OSTN: variants seen among roughly 807,000 people sequenced by gnomAD.
OSTN encodes the protein osteocrin.
OSTN carries 9 observed loss-of-function variants against 12.0 expected under a neutral mutation model. The ratio of observed to expected loss-of-function variants is 0.75; its 90% CI spans 0.45 to 1.30. OSTN has a LOEUF of 1.30. Ranked by LOEUF, OSTN falls within the 50% of genes most tolerant of loss-of-function variation. OSTN has a pLI of 0.00. For synonymous variants in OSTN, 59 were observed against 56.9 expected (o/e 1.04, Z -0.16); for missense variants, 148 against 152.3 (o/e 0.97, Z 0.15).
intron 3 of OSTN, among the ~76,000 whole-genome samples, chr3:191,237,545 G>T (rs1287734013): frequency 6.6e-6 from 1 of 152,198 alleles, no homozygotes; most frequent in Non-Finnish European, 1.5e-5. Context: ...ATTTGACCTT[G>T]GCCTTAGGGT....
At chr3:191,221,884 T>C (rs913701943) in intron 3 of OSTN, among the ~76,000 whole-genome samples, 2 of 152,138 alleles carry the variant, frequency 1.3e-5, no homozygotes, top group Non-Finnish European at 2.9e-5. Flanking sequence ...CTAGGAGGGA[T>C]AAATGGTTTC....
At chr3:191,220,039 C>G (rs1462175576) in intron 3 of OSTN, among the ~76,000 whole-genome samples, 1 of 152,162 alleles carries the variant, frequency 6.6e-6, no homozygotes, top group Admixed American at 6.5e-5. Flanking sequence ...AGTCAAACTC[C>G]TTTGCAAGAG....
intron 1 of OSTN, among the ~76,000 whole-genome samples, chr3:191,208,581 G>T (rs532645692): frequency 7.9e-4 from 120 of 152,190 alleles, no homozygotes; most frequent in African/African-American, 2.7e-3. Flanking sequence ...GATACATCAT[G>T]ATTTTTTCCT....
chr3:191,203,846 A>G (rs1375722285), intron 1 of OSTN, among the ~76,000 whole-genome samples: 1 of 152,144 alleles, frequency 6.6e-6, no homozygotes, highest in Non-Finnish European at 1.5e-5. Context: ...CCAATTGAAG[A>G]GCACTGAGAA....
intron 3 of OSTN, among the ~76,000 whole-genome samples, chr3:191,238,679 C>T (rs751423454): frequency 5.9e-5 from 9 of 152,224 alleles, no homozygotes; most frequent in Admixed American, 2.0e-4. Flanking sequence ...AAGAGTGTGC[C>T]GCCCTTTTAA....
intron 1 of OSTN, among the ~76,000 whole-genome samples, chr3:191,205,093 A>G (rs925652866): frequency 3.9e-5 from 6 of 152,228 alleles, no homozygotes; most frequent in African/African-American, 9.6e-5. Context: ...ATATATTTTT[A>G]GGAAACAATA....
In OSTN at chr3:191,206,188, G is replaced by GA. The variant is rs35445444; in HGVS notation, c.1-6330dup. Among the ~76,000 whole-genome samples the GA allele has an allele frequency of 6.6e-3, 858 of 129,412 alleles. 4 individuals are homozygous for GA. The highest frequency in any genetic ancestry group is 0.012 in the Middle Eastern group (3 of 248). The allele number at this position is 129,412 out of a possible 152,430, so 84.9% of individuals were successfully genotyped here. ...GCAACAAGAGCGAAACTCCATCTCA[G>GA]AAAAAAAAAAAAAAATCCTAAGTAA... On this transcript the variant is annotated intron_variant, in intron 1 of 4. Transcript: ENST00000682035.
intron 1 of OSTN, among the ~76,000 whole-genome samples, chr3:191,202,404 G>C (rs1011155718): frequency 7.9e-5 from 12 of 152,176 alleles, no homozygotes; most frequent in Admixed American, 3.9e-4. Context: ...GTGAGCAACA[G>C]GAAGACAGAG....
intron 2 of OSTN, among the ~76,000 whole-genome samples, chr3:191,213,080 A>G (rs1414362548): frequency 6.6e-6 from 1 of 151,758 alleles, no homozygotes; most frequent in Non-Finnish European, 1.5e-5. Context: ...CATATTGGCC[A>G]GGCTGGTCTT....
chr3:191,255,320 TCCGCAAC>T (rs529576446), intron 4 of OSTN, among the ~76,000 whole-genome samples: 24 of 152,312 alleles, frequency 1.6e-4, no homozygotes, highest in African/African-American at 5.8e-4. Flanking sequence ...CATGTGCTGG[TCCGCAAC>T]CCGGAGGATG....
At chr3:191,213,055 G>A (rs1362316308) in intron 2 of OSTN, among the ~76,000 whole-genome samples, 1 of 151,388 alleles carries the variant, frequency 6.6e-6, no homozygotes, top group Non-Finnish European at 1.5e-5. Flanking sequence ...ATTTTTAGTA[G>A]AGACAGGGTT....
chr3:191,229,043 C>T (rs1449451250), intron 3 of OSTN, among the ~76,000 whole-genome samples: 1 of 152,184 alleles, frequency 6.6e-6, no homozygotes, highest in Non-Finnish European at 1.5e-5. Flanking sequence ...AGATCTACAC[C>T]TACCAATTTT....
intron 4 of OSTN, among the ~76,000 whole-genome samples, chr3:191,259,087 C>G (rs748272677): frequency 1.3e-5 from 2 of 152,120 alleles, no homozygotes; most frequent in Non-Finnish European, 2.9e-5. Flanking sequence ...CTTCTGAGTC[C>G]CTTAAGGAGT....
In OSTN at chr3:191,225,323, G is replaced by A. The variant is rs559279373; in HGVS notation, c.317+6362G>A. On this transcript the variant is annotated intron_variant, in intron 3 of 4. Coordinates refer to ENST00000682035, the MANE Select transcript of OSTN (RefSeq NM_198184.2). Reference sequence around the variant, plus strand: ...TTATTTATTATTAATTTTATTTACCGTTTTTATTTAATTTGCCAACAGAAG... The same window carrying A: ...TTATTTATTATTAATTTTATTTACCATTTTTATTTAATTTGCCAACAGAAG... Among the ~76,000 whole-genome samples the A allele has an allele frequency of 7.9e-5, 12 of 152,102 alleles. No individual in the cohort carries two copies. In the South Asian group the frequency reaches 1.7e-3, roughly 21 times the overall value.
chr3:191,200,632 T>C (rs957760701), intron 1 of OSTN, among the ~76,000 whole-genome samples: 7 of 152,070 alleles, frequency 4.6e-5, no homozygotes, highest in Non-Finnish European at 1.0e-4. Context: ...GATAATATTG[T>C]ATTTTGTCCT....
chr3:191,217,753 C>G (rs78961575), intron 2 of OSTN, among the ~76,000 whole-genome samples: 1 of 152,114 alleles, frequency 6.6e-6, no homozygotes, highest in Non-Finnish European at 1.5e-5. Context: ...ATTGCAGATG[C>G]TAGTATTTGT....
intron 3 of OSTN, among the ~76,000 whole-genome samples, chr3:191,235,013 G>A (rs1369119539): frequency 6.6e-6 from 1 of 152,140 alleles, no homozygotes; most frequent in Non-Finnish European, 1.5e-5. Context: ...TGTAGATTTA[G>A]GTCAAGAAAC....
chr3:191,250,194 A>T, intron 4 of OSTN, 61 bp downstream of exon 4: 2 of 1,255,144 alleles, frequency 1.6e-6, no homozygotes, highest in South Asian at 2.4e-5. Flanking sequence ...TTCACAATGG[A>T]CTAATCAATC....
chr3:191,204,186 A>G (rs1714218169), intron 1 of OSTN, among the ~76,000 whole-genome samples: 1 of 152,116 alleles, frequency 6.6e-6, no homozygotes. Flanking sequence ...CACCGTGCCC[A>G]GCTGATATTT....
Sources: allele counts gnomAD v4.1 joint callset (sites outside exome capture counted in the v4.1 genomes callset), GRCh38; gene constraint gnomAD v4.1.1; transcripts MANE v1.5; gene names NCBI Gene and HGNC (gene_info 2026-07-23, HGNC 2026-07-21).